The following PPL variants were observed in gnomAD, a reference collection of about 807,000 sequenced individuals.
PPL encodes 190 kDa paraneoplastic pemphigus antigen.
A neutral mutation model predicts 194.4 loss-of-function variants in PPL; 198 were observed. That is an observed-to-expected ratio of 1.02 (90% CI 0.91 to 1.15). The LOEUF (loss-of-function observed/expected upper bound fraction) is 1.15, where lower values mean the gene tolerates loss of function less well. PPL is among the 50% of genes most tolerant of loss of function. PPL has a pLI of 0.00. For missense variants in PPL, 2,885 were observed against 2,294.8 expected, an observed-to-expected ratio of 1.26 and a Z score of -5.25; for synonymous variants, 1,220 against 972.4, an observed-to-expected ratio of 1.25 and a Z score of -4.74.
At chr16:4,909,909 C>T (rs1239540460) in intron 2 of PPL, among the ~76,000 whole-genome samples, 1 of 152,210 alleles carries the variant, frequency 6.6e-6, no homozygotes, top group Non-Finnish European at 1.5e-5. Flanking sequence ...TGTAACTGGG[C>T]ATCTCATATT....
rs1193303539 is a variant in PPL, at chr16:4,892,159, C to T, written c.1705G>A (p.Glu569Lys). 6 of 1,613,716 alleles carry T rather than the reference C, an allele frequency of 3.7e-6. No individual in the cohort carries two copies. The highest frequency in any genetic ancestry group is 2.7e-5 in the African/African-American group (2 of 74,952). ...AGGGCCTGGATGAAGGCTTCGCCCTCAGCCGTGCTCCGCGTCTTCTCAGGT... is the reference window on the plus strand; with the variant it reads ...AGGGCCTGGATGAAGGCTTCGCCCTTAGCCGTGCTCCGCGTCTTCTCAGGT... ...IEPEKTRSTA[E>K]GEAFIQALPG... Residue 569 changes from glutamate to lysine, a missense_variant, in exon 15 of 22, where the codon GAG becomes AAG. Glu to Lys is a moderately conservative substitution (Grantham distance 56, BLOSUM62 1). Coordinates refer to ENST00000345988, the MANE Select transcript of PPL (RefSeq NM_002705.5).
Position 4,902,350 on chromosome 16 carries a change from G to T in PPL, c.438+56C>A. ...ACATGGGTAGGCTCTCCCTGCACAC[G>T]CACAGCCCCCTCCCCAGCTGAAACC... On this transcript the variant is annotated intron_variant, in intron 4 of 21. Transcript: ENST00000345988. The surrounding 1 kb of genome is among the most constrained non-coding windows in gnomAD (Gnocchi z 4.0). The T allele has an allele frequency of 6.2e-7, 1 of 1,603,492 alleles. No individual in the cohort carries two copies. Among genetic ancestry groups the T allele is most frequent in the Non-Finnish European group, 8.5e-7 (1 of 1,174,546 alleles).
chr16:4,894,732 G>A, intron 11 of PPL, 114 bp from the exon 12 acceptor site: 2 of 1,252,028 alleles, frequency 1.6e-6, no homozygotes, highest in Non-Finnish European at 2.2e-6. Context: ...TCATCACTTG[G>A]ACCCTCCCCG....
chr16:4,883,041 C>T lies in PPL; in HGVS notation c.*343G>A, dbSNP rs1369910497. ...ATGCTGCAAGGAGTGGGCTTGGCTGCTGTGGTTGGCTTGTCCTTCAGTGGT... is the reference window on the plus strand; with the variant it reads ...ATGCTGCAAGGAGTGGGCTTGGCTGTTGTGGTTGGCTTGTCCTTCAGTGGT... On this transcript the variant is annotated 3_prime_UTR_variant, in exon 22 of 22. Transcript: ENST00000345988. The surrounding 1 kb of genome is among the most constrained non-coding windows in gnomAD (Gnocchi z 4.8). 1 of 293,340 alleles carries T rather than the reference C, an allele frequency of 3.4e-6. No individual in the cohort carries two copies. Among genetic ancestry groups the T allele is most frequent in the Non-Finnish European group, 6.5e-6 (1 of 153,600 alleles). The allele number at this position is 293,340 out of a possible 1,614,324, so 18.2% of individuals were successfully genotyped here. A position where few individuals can be genotyped will look rare whatever the true frequency, so the allele number is the denominator to read the frequency against.
intron 6 of PPL, among the ~76,000 whole-genome samples, 196 bp from the exon 7 acceptor site, chr16:4,899,580 T>TTCAG (rs2088511873): frequency 3.3e-4 from 1 of 3,002 alleles, no homozygotes; most frequent in Admixed American, 0.024. Context: ...CTGAAACTCA[T>TTCAG]TCATTCATTC....
intron 14 of PPL, chr16:4,892,707 T>C (rs1844591081): frequency 6.2e-6 from 1 of 162,424 alleles, no homozygotes; most frequent in Non-Finnish European, 1.3e-5. Context: ...TCTGTAAAAT[T>C]GGAGTGCTAC....
At chr16:4,900,457 A>ATTTTTTTTTTT in intron 6 of PPL, among the ~76,000 whole-genome samples, 1 of 91,176 alleles carries the variant, frequency 1.1e-5, no homozygotes, top group East Asian at 3.4e-4. Context: ...TTTTTTTTTT[A>ATTTTTTTTTTT]AAGGCAGGGT....
chr16:4,905,849 A>C (rs1197246003), intron 2 of PPL, among the ~76,000 whole-genome samples: 1 of 152,154 alleles, frequency 6.6e-6, no homozygotes, highest in Non-Finnish European at 1.5e-5. Flanking sequence ...TCATATCTGT[A>C]ATCTTAACAC....
intron 2 of PPL, among the ~76,000 whole-genome samples, 187 bp downstream of exon 2, chr16:4,910,663 T>C (rs1180335720): frequency 6.6e-6 from 1 of 152,090 alleles, no homozygotes; most frequent in African/African-American, 2.4e-5. Flanking sequence ...AGCATCCCTG[T>C]CTCCCCTCCC....
intron 12 of PPL, chr16:4,893,878 TCAC>T: frequency 3.6e-6 from 2 of 558,708 alleles, no homozygotes; most frequent in Non-Finnish European, 6.4e-6. Context: ...TGTCCAATAA[TCAC>T]CACCAAGATG....
Position 4,890,935 on chromosome 16 carries a change from G to T in PPL, c.1969-14C>A. The T allele has an allele frequency of 6.6e-7, 1 of 1,504,764 alleles. No individual in the cohort carries two copies. The highest frequency in any genetic ancestry group is 8.9e-7 in the Non-Finnish European group (1 of 1,120,218). 93.2% of individuals were successfully genotyped at this position (1,504,764 alleles called of 1,614,324 possible). A position where few individuals can be genotyped will look rare whatever the true frequency, so the allele number is the denominator to read the frequency against. On this transcript the variant is annotated splice_polypyrimidine_tract_variant and intron_variant, in intron 16 of 21. Transcript: ENST00000345988. ...ACAGGCCATGGCCTGGCGGGGCAGA[G>T]GAGGAGACGGCGGTGCTACGGCCAG...
At chr16:4,892,620 C>G in intron 14 of PPL, 2 of 176,512 alleles carry the variant, frequency 1.1e-5, no homozygotes, top group Non-Finnish European at 1.2e-5. Context: ...CCGAGACCGG[C>G]ATCCTCTCGC....
In PPL at chr16:4,886,475, C is replaced by A. The variant is rs1567988677; in HGVS notation, c.2608-428G>T. ...ACAGAGAGTGCTGCTTCAGGATTTA[C>A]CAGCAGCATTGTTTCCGCTCTCTGG... On this transcript the variant is annotated intron_variant, in intron 21 of 21. Transcript: ENST00000345988. Among the ~76,000 whole-genome samples, 3 of 152,234 alleles carry A rather than the reference C, an allele frequency of 2.0e-5. No homozygotes were observed. In the South Asian group the frequency reaches 6.2e-4, roughly 32 times the overall value.
intron 2 of PPL, among the ~76,000 whole-genome samples, chr16:4,907,198 G>A (rs1378196227): frequency 6.6e-6 from 1 of 151,748 alleles, no homozygotes; most frequent in African/African-American, 2.4e-5. Flanking sequence ...GGAGGTTGAG[G>A]CTTCAGTGAG....
chr16:4,918,535 A>G (rs1366024060), intron 1 of PPL, among the ~76,000 whole-genome samples: 1 of 152,160 alleles, frequency 6.6e-6, no homozygotes, highest in Non-Finnish European at 1.5e-5. Flanking sequence ...ATTATTCTCA[A>G]AAGTTGGAGG....
intron 1 of PPL, among the ~76,000 whole-genome samples, chr16:4,924,242 T>C (rs1001369636): frequency 3.3e-5 from 5 of 152,214 alleles, no homozygotes; most frequent in African/African-American, 1.2e-4. Flanking sequence ...ATATCCAAAA[T>C]ATGATCAATT....
chr16:4,931,755 T>A (rs2089228407), intron 1 of PPL, among the ~76,000 whole-genome samples: 3 of 152,190 alleles, frequency 2.0e-5, no homozygotes, highest in Non-Finnish European at 4.4e-5. Flanking sequence ...ACCACACCCT[T>A]AGGGTATTGC....
At chr16:4,910,476 A>G (rs1405703889) in intron 2 of PPL, among the ~76,000 whole-genome samples, 3 of 152,026 alleles carry the variant, frequency 2.0e-5, no homozygotes, top group Admixed American at 2.0e-4. Flanking sequence ...GTTTCCATAG[A>G]GCCTGACCCC....
At chr16:4,888,035 C>T in intron 20 of PPL, 67 bp downstream of exon 20, 1 of 1,160,030 alleles carries the variant, frequency 8.6e-7, no homozygotes, top group Non-Finnish European at 1.3e-6. Context: ...TGACACCATG[C>T]TCCCTGGGGA....
Sources: gnomAD v4.1 joint callset for allele counts (sites outside exome capture counted in the v4.1 genomes callset) on GRCh38, gnomAD v4.1.1 for gene constraint, Gnocchi (gnomAD v3.1) non-coding constraint, MANE v1.5 for transcripts, NCBI Gene and HGNC (gene_info 2026-07-23, HGNC 2026-07-21) for gene names.